The following PPM1L variants were observed in gnomAD, a reference collection of about 807,000 sequenced individuals.
PPM1L encodes protein phosphatase, Mg2+/Mn2+ dependent 1L.
PPM1L carries 13 observed loss-of-function variants against 31.4 expected under a neutral mutation model. That is an observed-to-expected ratio of 0.41 (90% CI 0.27 to 0.66). The LOEUF (loss-of-function observed/expected upper bound fraction) is 0.66, where lower values mean the gene tolerates loss of function less well. PPM1L is among the 30% of genes least tolerant of loss of function. The probability of loss-of-function intolerance (pLI) is 0.29; values close to 1 mark genes in which losing one functional copy is unlikely to be tolerated. For missense variants in PPM1L, 326 were observed against 453.7 expected (o/e 0.72, Z 2.56); for synonymous variants, 184 against 175.4 (o/e 1.05, Z -0.39).
At chr3:160,778,569 A>T (rs1711635825) in intron 1 of PPM1L, among the ~76,000 whole-genome samples, 2 of 152,200 alleles carry the variant, frequency 1.3e-5, no homozygotes, top group Admixed American at 6.5e-5. Context: ...AATGTTCATG[A>T]AGCAGCAAGT....
At chr3:160,889,038 C>T (rs1476920169) in intron 1 of PPM1L, among the ~76,000 whole-genome samples, 1 of 152,184 alleles carries the variant, frequency 6.6e-6, no homozygotes, top group Non-Finnish European at 1.5e-5. Flanking sequence ...TAAATGCCCA[C>T]ATCAGAAAGC....
chr3:160,813,349 AT>A (rs926866971), intron 1 of PPM1L, among the ~76,000 whole-genome samples: 2 of 151,364 alleles, frequency 1.3e-5, no homozygotes, highest in African/African-American at 4.9e-5. Context: ...ATTTTATTTT[AT>A]TTTTTTTGAG....
At chr3:160,862,662 G>GCACACACA (rs6148164) in intron 1 of PPM1L, among the ~76,000 whole-genome samples, 3,534 of 127,146 alleles carry the variant, frequency 0.028, 67 homozygotes, top group Non-Finnish European at 0.037. Flanking sequence ...CTAGGCACAC[G>GCACACACA]CACACACACA....
intron 1 of PPM1L, among the ~76,000 whole-genome samples, chr3:160,806,779 G>A (rs747424789): frequency 2.0e-5 from 3 of 150,366 alleles, no homozygotes; most frequent in Non-Finnish European, 4.4e-5. Context: ...GAGAGAGAGA[G>A]AGGAGGGGAG....
chr3:160,808,763 C>T (rs1158622567), intron 1 of PPM1L, among the ~76,000 whole-genome samples: 1 of 152,206 alleles, frequency 6.6e-6, no homozygotes, highest in Admixed American at 6.5e-5. Flanking sequence ...GTCTAGTGCA[C>T]TCAGCTGGAT....
chr3:160,917,865 G>A (rs574890541), intron 1 of PPM1L, among the ~76,000 whole-genome samples: 3 of 140,006 alleles, frequency 2.1e-5, no homozygotes, highest in Non-Finnish European at 4.9e-5. Context: ...ACTTTACATT[G>A]TGATTAATAT....
At chr3:160,841,955 T>G (rs539946317) in intron 1 of PPM1L, among the ~76,000 whole-genome samples, 3 of 152,224 alleles carry the variant, frequency 2.0e-5, no homozygotes, top group Non-Finnish European at 4.4e-5. Flanking sequence ...AATATTAATT[T>G]GTTCCTGGTT....
rs1715974334 is a variant in PPM1L, at chr3:160,961,823, T to A, written c.487T>A (p.Leu163Ile). The A allele has an allele frequency of 1.4e-5, 23 of 1,602,880 alleles. No homozygotes were observed. Among genetic ancestry groups the A allele is most frequent in the Non-Finnish European group, 2.0e-5 (23 of 1,175,218 alleles). Residue 163 changes from leucine to isoleucine, a missense_variant, in exon 2 of 4, where the codon TTA (leucine) becomes ATA (isoleucine). Physicochemically the swap from Leu to Ile is conservative, Grantham distance 5 (BLOSUM62 2). Transcript: ENST00000498165. ...CGAGAAAGACAAAGAAAATAGTGTA[T>A]TATCTTACCAGACCATCCTTGAACA... ...DYEKDKENSV[L>I]SYQTILEQQI...
intron 1 of PPM1L, among the ~76,000 whole-genome samples, chr3:160,936,836 G>A (rs1286795244): frequency 6.6e-6 from 1 of 152,088 alleles, no homozygotes; most frequent in Non-Finnish European, 1.5e-5. Context: ...TGTCACACAG[G>A]TGGAGCCTCA....
At chr3:160,954,034 AT>A (rs976471410) in intron 1 of PPM1L, among the ~76,000 whole-genome samples, 1 of 151,598 alleles carries the variant, frequency 6.6e-6, no homozygotes, top group African/African-American at 2.4e-5. Flanking sequence ...TAAAAAATTA[AT>A]TTTTTTTTCT....
chr3:160,756,254 G>A lies in PPM1L; in HGVS notation c.-55G>A. On this transcript the variant is annotated 5_prime_UTR_variant, in exon 1 of 4. Transcript: ENST00000498165. This position sits in a 1 kb window ranked among gnomAD's most constrained non-coding sequence, Gnocchi z 6.2. ...CTGTCCCCGCAGTGCTCCCGGACCCGGCGAGCCTTCGGGGCGCGCGTCGCT... is the reference window on the plus strand; with the variant it reads ...CTGTCCCCGCAGTGCTCCCGGACCCAGCGAGCCTTCGGGGCGCGCGTCGCT... The A allele has an allele frequency of 1.3e-6, 2 of 1,557,332 alleles. No individual in the cohort carries two copies. The highest frequency in any genetic ancestry group is 1.7e-6 in the Non-Finnish European group (2 of 1,147,870).
chr3:161,020,744 G>A (rs1718216236), intron 2 of PPM1L, among the ~76,000 whole-genome samples: 1 of 151,826 alleles, frequency 6.6e-6, no homozygotes. Context: ...AGGTCTGTTG[G>A]GATCTTCTGT....
At chr3:160,880,467 C>A (rs914225084) in intron 1 of PPM1L, among the ~76,000 whole-genome samples, 4 of 152,052 alleles carry the variant, frequency 2.6e-5, no homozygotes. Flanking sequence ...AGAAGAAATG[C>A]AATAACATTT....
intron 1 of PPM1L, among the ~76,000 whole-genome samples, chr3:160,788,090 T>C (rs1711986967): frequency 6.6e-6 from 1 of 152,134 alleles, no homozygotes; most frequent in African/African-American, 2.4e-5. Flanking sequence ...TTGCTTTGGC[T>C]ATTGTGGGCT....
At chr3:160,943,703 A>T (rs1041893541) in intron 1 of PPM1L, among the ~76,000 whole-genome samples, 7 of 152,186 alleles carry the variant, frequency 4.6e-5, no homozygotes, top group African/African-American at 1.7e-4. Context: ...TTGATAGTAG[A>T]AATTCAGTGC....
intron 2 of PPM1L, among the ~76,000 whole-genome samples, chr3:160,996,445 A>G (rs907021374): frequency 2.6e-5 from 4 of 152,242 alleles, no homozygotes; most frequent in African/African-American, 7.2e-5. Context: ...ATATCATGCA[A>G]TACTACTCGG....
At chr3:160,897,331 G>A (rs747548452) in intron 1 of PPM1L, among the ~76,000 whole-genome samples, 9 of 152,058 alleles carry the variant, frequency 5.9e-5, no homozygotes, top group Non-Finnish European at 8.8e-5. Context: ...GTGAGCCACC[G>A]TGCCTGGCCA....
chr3:160,903,265 T>C (rs114034112), intron 1 of PPM1L, among the ~76,000 whole-genome samples: 1,537 of 148,748 alleles, frequency 0.01, 28 homozygotes, highest in African/African-American at 0.036. Flanking sequence ...TTCTAAGGAA[T>C]TGGCTTATGT....
intron 1 of PPM1L, among the ~76,000 whole-genome samples, chr3:160,868,057 T>C (rs538673672): frequency 1.3e-5 from 2 of 152,292 alleles, no homozygotes; most frequent in Admixed American, 6.5e-5. Flanking sequence ...AGTTGAGAAG[T>C]ATTATATAAA....
Sources: gnomAD v4.1 joint callset for allele counts (sites outside exome capture counted in the v4.1 genomes callset) on GRCh38, gnomAD v4.1.1 for gene constraint, Gnocchi (gnomAD v3.1) non-coding constraint, MANE v1.5 for transcripts, NCBI Gene and HGNC (gene_info 2026-07-23, HGNC 2026-07-21) for gene names.